Variants in TMEM266 observed in about 807,000 individuals in gnomAD.
The protein encoded by TMEM266 is Hv1 related protein 1.
TMEM266 carries 33 observed loss-of-function variants against 50.5 expected under a neutral mutation model. That is an observed-to-expected ratio of 0.65 (90% CI 0.50 to 0.87). TMEM266 has a LOEUF of 0.87. Among genes scored for constraint, TMEM266 ranks in the 40% least tolerant of loss-of-function variants. The pLI, the probability that TMEM266 is intolerant of heterozygous loss-of-function variation, is 0.00. For synonymous variants in TMEM266, 310 were observed against 292.3 expected (o/e 1.06, Z -0.62); for missense variants, 655 against 695.1 (o/e 0.94, Z 0.65).
chr15:76,088,081 C>T (rs1215446471), intron 1 of TMEM266, among the ~76,000 whole-genome samples: 1 of 152,216 alleles, frequency 6.6e-6, no homozygotes, highest in Admixed American at 6.5e-5. Context: ...CAGCATGGCT[C>T]TTCTTCCTGC....
Position 76,202,699 on chromosome 15 carries a change from G to A in TMEM266, c.1021+435G>A, listed in dbSNP as rs144492054. Among the ~76,000 whole-genome samples, 789 of 152,192 alleles carry A rather than the reference G, an allele frequency of 5.2e-3. 7 individuals are homozygous for A. Among genetic ancestry groups the A allele is most frequent in the African/African-American group, 0.018 (731 of 41,524 alleles). ...TTCTTGCACTTGAAAAAAACCTCAG[G>A]GAAGCCTAGTGGTTTTTACTTATGG... is the stretch of plus-strand genomic sequence containing the variant. On this transcript the variant is annotated intron_variant, in intron 10 of 10. Transcript: ENST00000388942.
At chr15:76,193,239 CT>C (rs11457977) in intron 9 of TMEM266, among the ~76,000 whole-genome samples, 1 of 143,340 alleles carries the variant, frequency 7.0e-6, no homozygotes, top group Non-Finnish European at 1.5e-5. Context: ...CGAATGGTTG[CT>C]TTTTTTTTGG....
chr15:76,158,324 C>T (rs1356852455), intron 4 of TMEM266, among the ~76,000 whole-genome samples: 1 of 152,190 alleles, frequency 6.6e-6, no homozygotes, highest in African/African-American at 2.4e-5. Context: ...AAGGATCTTC[C>T]AGCATAAAGT....
intron 4 of TMEM266, among the ~76,000 whole-genome samples, chr15:76,157,254 T>A (rs1278295595): frequency 6.6e-6 from 1 of 152,206 alleles, no homozygotes; most frequent in African/African-American, 2.4e-5. Context: ...TGATAGTTTT[T>A]AAAGCATTTT....
At chr15:76,067,330 C>G (rs2036442606) in intron 1 of TMEM266, among the ~76,000 whole-genome samples, 1 of 152,146 alleles carries the variant, frequency 6.6e-6, no homozygotes, top group South Asian at 2.1e-4. Context: ...GATGCAACAG[C>G]ACATTCTGGG....
Position 76,152,614 on chromosome 15 carries a change from A to G in TMEM266, c.228-3990A>G, listed in dbSNP as rs116098146. On this transcript the variant is annotated intron_variant, in intron 3 of 10. Transcript: ENST00000388942. ...CTTCGGGGCTGAATAGAATTTTACCAGAAACAGTCCCTATTTAGTGTACAT... is the reference window on the plus strand; with the variant it reads ...CTTCGGGGCTGAATAGAATTTTACCGGAAACAGTCCCTATTTAGTGTACAT... 4.8e-3 allele frequency among the ~76,000 whole-genome samples: 727 copies of G among 152,274 alleles called. 6 individuals carry two copies. Among genetic ancestry groups the G allele is most frequent in the African/African-American group, 0.016 (658 of 41,548 alleles).
chr15:76,095,971 A>G (rs1236657641), intron 1 of TMEM266, among the ~76,000 whole-genome samples: 2 of 151,890 alleles, frequency 1.3e-5, no homozygotes, highest in East Asian at 3.8e-4. Flanking sequence ...TATCCCCTTC[A>G]TCATTTTTTA....
chr15:76,167,939 A>G (rs1466940240), intron 5 of TMEM266, among the ~76,000 whole-genome samples: 1 of 152,208 alleles, frequency 6.6e-6, no homozygotes, highest in Admixed American at 6.5e-5. Flanking sequence ...TAAAATGGGA[A>G]TCACATGTTA....
chr15:76,074,786 T>G (rs1385442069), intron 1 of TMEM266, among the ~76,000 whole-genome samples: 1 of 151,890 alleles, frequency 6.6e-6, no homozygotes, highest in Non-Finnish European at 1.5e-5. Flanking sequence ...GAAAGGCACT[T>G]AGAGGGCTGT....
chr15:76,196,982 T>G (rs1267663178), intron 9 of TMEM266, among the ~76,000 whole-genome samples: 1 of 152,240 alleles, frequency 6.6e-6, no homozygotes, highest in Non-Finnish European at 1.5e-5. Flanking sequence ...TTACAGCCCC[T>G]GGTGGGAGTG....
Position 76,160,453 on chromosome 15 carries a change from G to T in TMEM266, c.456+285G>T, listed in dbSNP as rs541698018. Among the ~76,000 whole-genome samples, 140 of 152,328 alleles carry T rather than the reference G, an allele frequency of 9.2e-4. No homozygotes were observed. The highest frequency in any genetic ancestry group is 3.0e-3 in the African/African-American group (126 of 41,572). On this transcript the variant is annotated intron_variant, in intron 5 of 10. Transcript: ENST00000388942. The surrounding 1 kb of genome is among the most constrained non-coding windows in gnomAD (Gnocchi z 5.7). ...GGGGTGGGCGATGACTGGTGAAGGTGAGACTGAATGTGGCGTCGAGGGGCA... is the reference window on the plus strand; with the variant it reads ...GGGGTGGGCGATGACTGGTGAAGGTTAGACTGAATGTGGCGTCGAGGGGCA...
chr15:76,189,098 G>A lies in TMEM266; in HGVS notation c.769-2870G>A, dbSNP rs184169479. Among the ~76,000 whole-genome samples the A allele has an allele frequency of 8.7e-4, 133 of 152,230 alleles. 1 individual carries two copies. Among genetic ancestry groups the A allele is most frequent in the Middle Eastern group, 3.4e-3 (1 of 294 alleles). On this transcript the variant is annotated intron_variant, in intron 8 of 10. Transcript: ENST00000388942. ...TCCCAGTTACTCAGGAGGCTGAGGT[G>A]GGAGGATCACTTGAACCCATGAGTA...
At chr15:76,198,205 C>T (rs1049013385) in intron 9 of TMEM266, among the ~76,000 whole-genome samples, 1 of 152,128 alleles carries the variant, frequency 6.6e-6, no homozygotes, top group Non-Finnish European at 1.5e-5. Context: ...AGGGATCTAC[C>T]TAAGGCCACA....
At chr15:76,126,178 T>C (rs2037420107) in intron 1 of TMEM266, among the ~76,000 whole-genome samples, 1 of 151,634 alleles carries the variant, frequency 6.6e-6, no homozygotes, top group African/African-American at 2.4e-5. Flanking sequence ...AAAATAGAAC[T>C]ACCGTATGAT....
chr15:76,079,449 A>C (rs543323253), intron 1 of TMEM266, among the ~76,000 whole-genome samples: 1 of 145,862 alleles, frequency 6.9e-6, no homozygotes, highest in African/African-American at 2.6e-5. Context: ...ACCTTAATCT[A>C]GTATGACCTC....
chr15:76,089,964 C>T (rs568213060), intron 1 of TMEM266, among the ~76,000 whole-genome samples: 1 of 152,230 alleles, frequency 6.6e-6, no homozygotes, highest in African/African-American at 2.4e-5. Flanking sequence ...ATGGTAACTT[C>T]ACAAGACAAA....
At chr15:76,115,496 CTTTT>C (rs113359371) in intron 1 of TMEM266, among the ~76,000 whole-genome samples, 1 of 152,142 alleles carries the variant, frequency 6.6e-6, no homozygotes, top group Non-Finnish European at 1.5e-5. Context: ...CTGAAATGTG[CTTTT>C]TTAAGTTCCC....
In TMEM266 at chr15:76,204,343, G is replaced by C; in HGVS notation, c.*28G>C. On this transcript the variant is annotated 3_prime_UTR_variant, in exon 11 of 11. Transcript: ENST00000388942. ...CCTGCCATGGGCTGGGTGAGATGAG[G>C]GGAGACAGCCATCTCAAAGCTCTCC... 2 of 1,555,532 alleles carry C rather than the reference G, an allele frequency of 1.3e-6. No individual in the cohort carries two copies. Among genetic ancestry groups the C allele is most frequent in the Non-Finnish European group, 1.7e-6 (2 of 1,143,654 alleles).
At chr15:76,096,748 T>C (rs1310496702) in intron 1 of TMEM266, among the ~76,000 whole-genome samples, 1 of 151,954 alleles carries the variant, frequency 6.6e-6, no homozygotes, top group African/African-American at 2.4e-5. Flanking sequence ...TCTAAGTCTC[T>C]TTATAGGTCT....
Sources: gnomAD v4.1 joint callset for allele counts (sites outside exome capture counted in the v4.1 genomes callset) on GRCh38, gnomAD v4.1.1 for gene constraint, Gnocchi (gnomAD v3.1) non-coding constraint, MANE v1.5 for transcripts, NCBI Gene and HGNC (gene_info 2026-07-23, HGNC 2026-07-21) for gene names.